Variants in XKR6 observed in about 807,000 individuals in gnomAD.
XKR6 encodes the protein XK-related protein 6.
In XKR6, 22 loss-of-function variants were observed where a neutral mutation model predicts 56.7. The observed-to-expected ratio is 0.39, with a 90% CI of 0.28 to 0.55. XKR6 has a LOEUF of 0.55. Among genes scored for constraint, XKR6 ranks in the 20% least tolerant of loss-of-function variants. The pLI is 0.66. For synonymous variants in XKR6, 524 were observed against 387.8 expected, an observed-to-expected ratio of 1.35 and a Z score of -4.13; for missense variants, 852 against 889.0, an observed-to-expected ratio of 0.96 and a Z score of 0.53.
intron 1 of XKR6, chr8:11,106,460 A>G (rs1798679880): frequency 6.6e-6 from 1 of 152,196 alleles, no homozygotes. Context: ...GGTTGGAGGG[A>G]AGAGTGGACA....
At chr8:11,193,348 T>C (rs1803687094) in intron 1 of XKR6, among the ~76,000 whole-genome samples, 1 of 152,240 alleles carries the variant, frequency 6.6e-6, no homozygotes, top group Non-Finnish European at 1.5e-5. Flanking sequence ...AATTTTTTGT[T>C]AGAAATCTGT....
chr8:11,123,606 T>G (rs766525872), intron 1 of XKR6: 22 of 304,962 alleles, frequency 7.2e-5, no homozygotes, highest in Non-Finnish European at 1.2e-4. Flanking sequence ...GGATTAAAAA[T>G]TCAAGTGTGC....
intron 1 of XKR6, among the ~76,000 whole-genome samples, chr8:10,963,234 C>A: frequency 6.6e-6 from 1 of 152,228 alleles, no homozygotes; most frequent in East Asian, 1.9e-4. Flanking sequence ...CGGCAGCTGT[C>A]GGCTCTGACT....
chr8:10,919,592 G>C (rs989152087), intron 2 of XKR6, among the ~76,000 whole-genome samples: 1 of 152,192 alleles, frequency 6.6e-6, no homozygotes, highest in African/African-American at 2.4e-5. Context: ...TTAGACCTTT[G>C]CAACAACCCA....
In XKR6 at chr8:10,897,782, G is replaced by T. The variant is rs1799924860; in HGVS notation, c.*170C>A. 4 of 777,552 alleles carry T rather than the reference G, an allele frequency of 5.1e-6. No individual in the cohort carries two copies. Among genetic ancestry groups the T allele is most frequent in the African/African-American group, 3.5e-5 (2 of 57,588 alleles). The allele number at this position is 777,552 out of a possible 1,614,324, so 48.2% of individuals were successfully genotyped here. A position where few individuals can be genotyped will look rare whatever the true frequency, so the allele number is the denominator to read the frequency against. The stretch of plus-strand genomic sequence containing the variant: ...CTGGAAAGAAAGCTTATTTGAAGGG[G>T]TTGTGACTTATTAATTCTTTTTTTT... On this transcript the variant is annotated 3_prime_UTR_variant, in exon 3 of 3. Transcript: ENST00000416569.
chr8:11,005,893 G>A (rs1249536107), intron 1 of XKR6, among the ~76,000 whole-genome samples: 1 of 132,672 alleles, frequency 7.5e-6, no homozygotes, highest in Non-Finnish European at 1.5e-5. Flanking sequence ...GCCCAGGCTA[G>A]AGCATAGTGG....
intron 1 of XKR6, among the ~76,000 whole-genome samples, chr8:11,194,215 T>A (rs532995148): frequency 6.6e-6 from 1 of 152,340 alleles, no homozygotes; most frequent in African/African-American, 2.4e-5. Context: ...TGAACTTTTT[T>A]ACACTGAAGG....
intron 1 of XKR6, among the ~76,000 whole-genome samples, chr8:11,177,992 A>C (rs1002785183): frequency 9.2e-5 from 14 of 152,160 alleles, no homozygotes; most frequent in African/African-American, 3.4e-4. Context: ...CTGCAACCAA[A>C]AAAACGGATC....
chr8:10,932,582 C>A lies in XKR6; in HGVS notation c.765-7752G>T, dbSNP rs1035441836. Among the ~76,000 whole-genome samples, 20 of 116,358 alleles carry A rather than the reference C, an allele frequency of 1.7e-4. No individual in the cohort carries two copies. The East Asian group carries it at 3.0e-3, about 18-fold the overall frequency. The allele number at this position is 116,358 out of a possible 152,430, so 76.3% of individuals were successfully genotyped here. A position where few individuals can be genotyped will look rare whatever the true frequency, so the allele number is the denominator to read the frequency against. On this transcript the variant is annotated intron_variant, in intron 1 of 2. Transcript: ENST00000416569. ...CAATGCTATCCCTCCCCCCTCCCCC[C>A]ACCCCACCACAGTCCCCAGAGTGTG...
chr8:11,063,201 C>CTAAA (rs3062751), intron 1 of XKR6, among the ~76,000 whole-genome samples: 45,143 of 149,780 alleles, frequency 0.3, 7,037 homozygotes, highest in African/African-American at 0.39. Context: ...CCGTCTCTAC[C>CTAAA]TAAATAAATA....
At chr8:11,179,187 G>T (rs1022574893) in intron 1 of XKR6, among the ~76,000 whole-genome samples, 3 of 151,678 alleles carry the variant, frequency 2.0e-5, no homozygotes, top group Admixed American at 2.0e-4. Context: ...GATTGGTTTC[G>T]GTTCTGTGAG....
chr8:10,998,133 G>C (rs1177387353), intron 1 of XKR6, among the ~76,000 whole-genome samples: 1 of 151,956 alleles, frequency 6.6e-6, no homozygotes, highest in African/African-American at 2.4e-5. Context: ...AGATTCGCCA[G>C]CTTCCCCCGC....
intron 1 of XKR6, among the ~76,000 whole-genome samples, chr8:11,125,016 G>A (rs1199155445): frequency 6.7e-6 from 1 of 150,374 alleles, no homozygotes; most frequent in Non-Finnish European, 1.5e-5. Flanking sequence ...GTGAACCCGG[G>A]AGGTGGAGCT....
At chr8:11,178,547 AAT>A (rs373879147) in intron 1 of XKR6, among the ~76,000 whole-genome samples, 4,751 of 88,442 alleles carry the variant, frequency 0.054, 123 homozygotes, top group South Asian at 0.15. Flanking sequence ...GAGAGGTAAA[AAT>A]ATATATATAT....
chr8:11,039,519 C>T (rs1799230973), intron 1 of XKR6, among the ~76,000 whole-genome samples: 1 of 152,246 alleles, frequency 6.6e-6, no homozygotes, highest in Admixed American at 6.5e-5. Flanking sequence ...GAGATGAGGA[C>T]ATTGGGCCTT....
intron 1 of XKR6, among the ~76,000 whole-genome samples, chr8:10,965,061 C>A (rs1294982085): frequency 6.6e-6 from 1 of 152,224 alleles, no homozygotes; most frequent in Admixed American, 6.5e-5. Flanking sequence ...TGGACTGGAC[C>A]ACAAGCCTGC....
At chr8:10,976,473 G>A (rs899072760) in intron 1 of XKR6, among the ~76,000 whole-genome samples, 2 of 152,130 alleles carry the variant, frequency 1.3e-5, no homozygotes, top group Non-Finnish European at 2.9e-5. Flanking sequence ...AACCAGATAC[G>A]CCTGCAGGTG....
intron 1 of XKR6, among the ~76,000 whole-genome samples, chr8:11,077,473 C>T (rs1014243798): frequency 6.6e-6 from 1 of 152,116 alleles, no homozygotes; most frequent in Non-Finnish European, 1.5e-5. Context: ...GTGAACAGTT[C>T]CTCTCTACAT....
intron 1 of XKR6, among the ~76,000 whole-genome samples, chr8:11,162,868 G>C (rs975731719): frequency 6.6e-6 from 1 of 152,182 alleles, no homozygotes; most frequent in Non-Finnish European, 1.5e-5. Flanking sequence ...TCCTATCCTA[G>C]CATAGCTACA....
Sources: allele counts gnomAD v4.1 joint callset (sites outside exome capture counted in the v4.1 genomes callset), GRCh38; gene constraint gnomAD v4.1.1; transcripts MANE v1.5; gene names NCBI Gene and HGNC (gene_info 2026-07-23, HGNC 2026-07-21).